Variants in COBL observed in about 807,000 individuals in gnomAD.
The protein encoded by COBL is cordon-bleu WH2 repeat protein.
COBL carries 51 observed loss-of-function variants against 98.8 expected under a neutral mutation model. That is an observed-to-expected ratio of 0.52 (90% CI 0.41 to 0.65). COBL has a LOEUF of 0.65. Among genes scored for constraint, COBL ranks in the 30% least tolerant of loss-of-function variants. COBL has a pLI of 0.00. For synonymous variants in COBL, 634 were observed against 651.7 expected (o/e 0.97, Z 0.41); for missense variants, 1,617 against 1,617.5 (o/e 1.00, Z 0.01).
chr7:51,075,182 T>C (rs1792951586), intron 7 of COBL, among the ~76,000 whole-genome samples: 3 of 152,358 alleles, frequency 2.0e-5, no homozygotes, highest in South Asian at 2.1e-4. Context: ...TCACAATGTA[T>C]TGGCTACAGA....
At chr7:51,057,743 G>A (rs1411545775) in intron 7 of COBL, among the ~76,000 whole-genome samples, 2 of 152,114 alleles carry the variant, frequency 1.3e-5, no homozygotes, top group African/African-American at 4.8e-5. Flanking sequence ...ACTCACCTCA[G>A]CAAAACCCAC....
Position 51,316,648 on chromosome 7 carries a change from G to A in COBL, c.-15C>T. On this transcript the variant is annotated 5_prime_UTR_variant, in exon 1 of 13. Transcript: ENST00000265136. ...GGCGCGTCCATGGTGCCGGGGGCCG[G>A]GACGCGGGCGGTGCTCCGGGCCCGC... 8.4e-7 allele frequency: 1 copy of A among 1,194,958 alleles called. No homozygotes were observed. The highest frequency in any genetic ancestry group is 1.0e-6 in the Non-Finnish European group (1 of 964,042). The allele number at this position is 1,194,958 out of a possible 1,614,324, so 74.0% of individuals were successfully genotyped here. A position where few individuals can be genotyped will look rare whatever the true frequency, so the allele number is the denominator to read the frequency against.
At chr7:51,303,983 G>A (rs1214219657) in intron 1 of COBL, among the ~76,000 whole-genome samples, 1 of 152,060 alleles carries the variant, frequency 6.6e-6, no homozygotes. Context: ...ATGGGTAAAG[G>A]GTATCATGGA....
At chr7:51,210,526 C>A (rs1009940457) in intron 2 of COBL, among the ~76,000 whole-genome samples, 3 of 152,196 alleles carry the variant, frequency 2.0e-5, no homozygotes, top group African/African-American at 7.2e-5. Context: ...TTGCTTTGCT[C>A]TCTCTGGGGC....
chr7:51,041,478 CTTT>C (rs773830122), intron 8 of COBL, among the ~76,000 whole-genome samples: 1 of 80,024 alleles, frequency 1.2e-5, no homozygotes, highest in African/African-American at 4.8e-5. Context: ...TATTTCTTTC[CTTT>C]TTTTTTTTTT....
At chr7:51,171,041 T>C (rs1787821906) in intron 5 of COBL, among the ~76,000 whole-genome samples, 1 of 152,158 alleles carries the variant, frequency 6.6e-6, no homozygotes, top group Non-Finnish European at 1.5e-5. Flanking sequence ...GTACAATGAT[T>C]ATGAATCAAT....
chr7:51,094,558 G>A (rs1260817432), intron 6 of COBL, among the ~76,000 whole-genome samples: 1 of 152,036 alleles, frequency 6.6e-6, no homozygotes, highest in East Asian at 1.9e-4. Context: ...GACCTAGCTA[G>A]ATAAATAAAA....
chr7:51,058,256 A>T (rs1337869781), intron 7 of COBL, among the ~76,000 whole-genome samples: 2 of 152,136 alleles, frequency 1.3e-5, no homozygotes, highest in Admixed American at 6.6e-5. Context: ...TTTTGTGTCA[A>T]TTTAAACAAT....
chr7:51,154,561 T>G (rs1010466928), intron 5 of COBL, among the ~76,000 whole-genome samples: 1 of 152,168 alleles, frequency 6.6e-6, no homozygotes, highest in African/African-American at 2.4e-5. Flanking sequence ...TTCATCAGCC[T>G]CTGTACGAAT....
chr7:51,235,082 A>G (rs1315117759), intron 1 of COBL, among the ~76,000 whole-genome samples: 1 of 152,132 alleles, frequency 6.6e-6, no homozygotes, highest in African/African-American at 2.4e-5. Context: ...GTTCCTATGG[A>G]TATCTCCAGC....
intron 5 of COBL, among the ~76,000 whole-genome samples, chr7:51,157,399 A>T (rs764923890): frequency 3.9e-5 from 6 of 152,166 alleles, no homozygotes; most frequent in Non-Finnish European, 7.3e-5. Context: ...GCCCCTGGCA[A>T]TGCCAGAGAA....
chr7:51,075,628 C>T (rs188605611), intron 7 of COBL, among the ~76,000 whole-genome samples: 10 of 152,248 alleles, frequency 6.6e-5, no homozygotes, highest in East Asian at 5.8e-4. Flanking sequence ...GAAATTTTAA[C>T]GATCTGCTTT....
chr7:51,080,361 G>C (rs1369137357), intron 7 of COBL, among the ~76,000 whole-genome samples: 1 of 152,174 alleles, frequency 6.6e-6, no homozygotes, highest in Non-Finnish European at 1.5e-5. Flanking sequence ...CCTAAGTGGA[G>C]TATACCATCT....
chr7:51,232,640 C>CTT (rs1794862005), intron 1 of COBL, among the ~76,000 whole-genome samples: 2 of 152,052 alleles, frequency 1.3e-5, no homozygotes, highest in Non-Finnish European at 2.9e-5. Context: ...TGAAACCCTG[C>CTT]CTCTACTAAA....
intron 1 of COBL, among the ~76,000 whole-genome samples, chr7:51,249,426 T>C (rs566221658): frequency 5.3e-5 from 8 of 152,304 alleles, no homozygotes; most frequent in African/African-American, 1.9e-4. Flanking sequence ...ATGAGTCATG[T>C]CTGAGATGAG....
intron 1 of COBL, among the ~76,000 whole-genome samples, chr7:51,315,340 C>T (rs1803439912): frequency 6.6e-6 from 1 of 151,930 alleles, no homozygotes; most frequent in African/African-American, 2.4e-5. Context: ...GCTAACCTGG[C>T]TCACCTTTTC....
chr7:51,029,634 C>T, intron 9 of COBL, 43 bp from the exon 10 acceptor site: 1 of 1,482,590 alleles, frequency 6.7e-7, no homozygotes, highest in Non-Finnish European at 9.2e-7. Context: ...TTTCCCACAC[C>T]AATTACTTAG....
At chr7:51,139,108 G>C (rs1279897590) in intron 5 of COBL, among the ~76,000 whole-genome samples, 1 of 151,986 alleles carries the variant, frequency 6.6e-6, no homozygotes, top group Non-Finnish European at 1.5e-5. Context: ...TAAGCATCCT[G>C]GACATTTTGC....
At chr7:51,162,868 A>C (rs1160093763) in intron 5 of COBL, among the ~76,000 whole-genome samples, 1 of 152,252 alleles carries the variant, frequency 6.6e-6, no homozygotes, top group African/African-American at 2.4e-5. Flanking sequence ...CTTGAAGCTG[A>C]AGCTGTTACC....
Sources: gnomAD v4.1 joint callset for allele counts (sites outside exome capture counted in the v4.1 genomes callset) on GRCh38, gnomAD v4.1.1 for gene constraint, MANE v1.5 for transcripts, NCBI Gene and HGNC (gene_info 2026-07-23, HGNC 2026-07-21) for gene names.